The following GALNTL6 variants were observed in gnomAD, a reference collection of about 807,000 sequenced individuals.
GALNTL6 encodes polypeptide N-acetylgalactosaminyltransferase-like 6.
In GALNTL6, 46 loss-of-function variants were observed where a neutral mutation model predicts 73.7. The ratio of observed to expected loss-of-function variants is 0.62; its 90% CI spans 0.49 to 0.80. The LOEUF is 0.80. Ranked by LOEUF, GALNTL6 falls within the 30% of genes least tolerant of loss-of-function variation. The pLI, the probability that GALNTL6 is intolerant of heterozygous loss-of-function variation, is 0.00. For synonymous variants in GALNTL6, 259 were observed against 263.7 expected (o/e 0.98, Z 0.17); for missense variants, 604 against 755.0 (o/e 0.80, Z 2.34).
At chr4:172,206,942 C>A (rs899344631) in intron 2 of GALNTL6, among the ~76,000 whole-genome samples, 1 of 150,902 alleles carries the variant, frequency 6.6e-6, no homozygotes, top group African/African-American at 2.4e-5. Flanking sequence ...CTCAGCCTCC[C>A]GAGTAGCTGG....
At chr4:172,107,578 A>G (rs1732710481) in intron 2 of GALNTL6, among the ~76,000 whole-genome samples, 2 of 151,104 alleles carry the variant, frequency 1.3e-5, no homozygotes, top group African/African-American at 4.9e-5. Context: ...TTGCAAGGAC[A>G]AAAAACCAAA....
chr4:171,961,725 A>G (rs1238391493), intron 2 of GALNTL6, among the ~76,000 whole-genome samples: 1 of 152,184 alleles, frequency 6.6e-6, no homozygotes, highest in Non-Finnish European at 1.5e-5. Context: ...TGTAAAACCA[A>G]CCAGTGGTCT....
At chr4:172,438,396 C>G (rs970385658) in intron 5 of GALNTL6, among the ~76,000 whole-genome samples, 1 of 151,990 alleles carries the variant, frequency 6.6e-6, no homozygotes, top group African/African-American at 2.4e-5. Flanking sequence ...TACTCTGATT[C>G]CAATAATACT....
At chr4:171,877,769 A>G (rs1174003878) in intron 2 of GALNTL6, among the ~76,000 whole-genome samples, 1 of 152,240 alleles carries the variant, frequency 6.6e-6, no homozygotes, top group Non-Finnish European at 1.5e-5. Context: ...AAAACAAAGG[A>G]TAATGAGTCA....
At chr4:172,635,628 C>G (rs981403620) in intron 5 of GALNTL6, among the ~76,000 whole-genome samples, 1 of 152,106 alleles carries the variant, frequency 6.6e-6, no homozygotes, top group Non-Finnish European at 1.5e-5. Context: ...TATTTTTCTG[C>G]GAACTTTCTT....
intron 5 of GALNTL6, among the ~76,000 whole-genome samples, chr4:172,707,336 C>A (rs1389103723): frequency 6.6e-6 from 1 of 152,176 alleles, no homozygotes; most frequent in African/African-American, 2.4e-5. Flanking sequence ...CAGTGACAAA[C>A]TACCACAAAT....
At chr4:172,252,071 G>A (rs1025392529) in intron 3 of GALNTL6, among the ~76,000 whole-genome samples, 6 of 151,968 alleles carry the variant, frequency 3.9e-5, no homozygotes, top group African/African-American at 1.5e-4. Flanking sequence ...TTGTAGACAG[G>A]AAGGTTAAAA....
intron 2 of GALNTL6, among the ~76,000 whole-genome samples, chr4:171,895,935 T>C (rs1373057818): frequency 6.6e-6 from 1 of 151,234 alleles, no homozygotes; most frequent in Non-Finnish European, 1.5e-5. Context: ...ACAAAATGAC[T>C]AAATAGAATT....
intron 5 of GALNTL6, among the ~76,000 whole-genome samples, chr4:172,657,120 A>G (rs1731072898): frequency 6.6e-6 from 1 of 152,220 alleles, no homozygotes; most frequent in African/African-American, 2.4e-5. Flanking sequence ...TCAAAAATAC[A>G]TGCTGATAGG....
intron 10 of GALNTL6, among the ~76,000 whole-genome samples, chr4:172,966,655 G>A (rs1647824443): frequency 6.6e-6 from 1 of 152,168 alleles, no homozygotes; most frequent in Admixed American, 6.5e-5. Flanking sequence ...GCCTCCCAAA[G>A]TGCTGGGATT....
At chr4:172,792,623 AT>A (rs1740057658) in intron 5 of GALNTL6, among the ~76,000 whole-genome samples, 1 of 149,370 alleles carries the variant, frequency 6.7e-6, no homozygotes, top group Admixed American at 6.7e-5. Flanking sequence ...TTGTTTTAGC[AT>A]TTTTGATTTC....
At chr4:171,944,097 A>G (rs562175711) in intron 2 of GALNTL6, among the ~76,000 whole-genome samples, 77 of 152,188 alleles carry the variant, frequency 5.1e-4, no homozygotes, top group African/African-American at 1.8e-3. Context: ...CAATCAAATG[A>G]TAAGAAAAAA....
At chr4:172,055,550 A>AT (rs74718372) in intron 2 of GALNTL6, among the ~76,000 whole-genome samples, 3 of 151,830 alleles carry the variant, frequency 2.0e-5, no homozygotes, top group South Asian at 4.2e-4. Context: ...TGAGACTTCC[A>AT]TTTTTTTTCC....
rs1553976625 is a variant in GALNTL6 at position 171,967,447 on chromosome 4, G to GTTTTTTGT, written c.138+152735_138+152736insGTTTTTTT. On this transcript the variant is annotated intron_variant, in intron 2 of 12. Transcript: ENST00000506823. ...GATTGTAGTTTTCTTCCCCCTATGG[G>GTTTTTTGT]TTTTTTTTTTTTTTTTTTGTAGATG... Among the ~76,000 whole-genome samples, 11 of 14,374 alleles carry GTTTTTTGT rather than the reference G, an allele frequency of 7.7e-4. No homozygotes were observed. In the South Asian group the frequency reaches 0.054, roughly 70 times the overall value. The allele number at this position is 14,374 out of a possible 152,430, so 9.4% of individuals were successfully genotyped here. A position where few individuals can be genotyped will look rare whatever the true frequency, so the allele number is the denominator to read the frequency against.
intron 5 of GALNTL6, among the ~76,000 whole-genome samples, chr4:172,597,603 A>G (rs949813847): frequency 6.6e-6 from 1 of 152,186 alleles, no homozygotes. Context: ...AATTCTAGTC[A>G]GGTAGGATTT....
At chr4:172,072,307 T>C (rs759945022) in intron 2 of GALNTL6, among the ~76,000 whole-genome samples, 4 of 152,164 alleles carry the variant, frequency 2.6e-5, no homozygotes, top group Admixed American at 2.0e-4. Flanking sequence ...GGAATCTATA[T>C]CAAATTTTTA....
At chr4:172,131,536 ATG>A (rs1373614784) in intron 2 of GALNTL6, among the ~76,000 whole-genome samples, 6 of 149,564 alleles carry the variant, frequency 4.0e-5, no homozygotes, top group South Asian at 2.1e-4. Flanking sequence ...ACACACACAT[ATG>A]TGTTTGTGTG....
In GALNTL6 at chr4:172,494,806, C is replaced by T. The variant is rs1734016418; in HGVS notation, c.553+146117C>T. The stretch of plus-strand genomic sequence containing the variant: ...AGTCCAGTCCATCCATGCTCTTCTG[C>T]CTGCTTTATTCTAGCCGCACTGGCA... On this transcript the variant is annotated intron_variant, in intron 5 of 12. Transcript: ENST00000506823. Among the ~76,000 whole-genome samples the T allele has an allele frequency of 2.0e-5, 3 of 152,166 alleles. No homozygotes were observed. The South Asian group carries it at 6.2e-4, about 32-fold the overall frequency.
intron 5 of GALNTL6, among the ~76,000 whole-genome samples, chr4:172,392,429 T>C (rs963466215): frequency 3.3e-5 from 5 of 151,784 alleles, no homozygotes; most frequent in Admixed American, 6.6e-5. Context: ...AAGTAAAAAC[T>C]TCTCTCAGAA....
Sources: allele counts gnomAD v4.1 joint callset (sites outside exome capture counted in the v4.1 genomes callset), GRCh38; gene constraint gnomAD v4.1.1; transcripts MANE v1.5; gene names NCBI Gene and HGNC (gene_info 2026-07-23, HGNC 2026-07-21).